Variants in TTC1 observed in about 807,000 individuals in gnomAD.
TTC1 encodes tetratricopeptide repeat domain 1, also known as tetratricopeptide repeat protein 1.
TTC1 carries 31 observed loss-of-function variants against 37.6 expected under a neutral mutation model. The observed-to-expected ratio is 0.82, with a 90% CI of 0.62 to 1.11. The LOEUF (loss-of-function observed/expected upper bound fraction) is 1.11. Ranked by LOEUF, TTC1 falls within the 50% of genes most tolerant of loss-of-function variation. TTC1 has a pLI of 0.00. For synonymous variants in TTC1, 127 were observed against 122.4 expected, an observed-to-expected ratio of 1.04 and a Z score of -0.25; for missense variants, 351 against 339.0, an observed-to-expected ratio of 1.04 and a Z score of -0.28.
chr5:160,037,674 C>T (rs968758994), intron 4 of TTC1, among the ~76,000 whole-genome samples: 16 of 152,170 alleles, frequency 1.1e-4, no homozygotes, highest in African/African-American at 3.6e-4. Context: ...GCACTCTGGC[C>T]TGGGCGACAA....
At chr5:160,040,595 C>CT (rs1757071150) in intron 4 of TTC1, among the ~76,000 whole-genome samples, 1 of 151,850 alleles carries the variant, frequency 6.6e-6, no homozygotes, top group African/African-American at 2.4e-5. Context: ...CTCTTCTGAG[C>CT]TGGGGCAGGG....
At chr5:160,046,746 GCTCACGCCTGTAATCCCAACA>G (rs1262391099) in intron 5 of TTC1, among the ~76,000 whole-genome samples, 14 of 152,194 alleles carry the variant, frequency 9.2e-5, no homozygotes, top group African/African-American at 3.4e-4. Flanking sequence ...GGGCACAGTG[GCTCACGCCTGTAATCCCAACA>G]CTTTGGGAGG....
In TTC1 at chr5:160,010,666, C is replaced by T; in HGVS notation, c.138C>T (p.Leu46=). ...ATCAGCATTCCCAGAGTAAGCTGCT[C>T]AGGGATGATGAGGCCCATCTCCAGG... ...PKNQHSQSKL[L]RDDEAHLQED... The change falls in exon 2 of 8, where the codon CTC becomes CTT. Residue 46 remains leucine, a synonymous_variant. Transcript: ENST00000231238. The T allele has an allele frequency of 1.2e-6, 2 of 1,613,750 alleles. No individual in the cohort carries two copies. Among genetic ancestry groups the T allele is most frequent in the Non-Finnish European group, 1.7e-6 (2 of 1,179,838 alleles).
intron 2 of TTC1, among the ~76,000 whole-genome samples, chr5:160,015,930 G>A (rs1756595986): frequency 6.6e-6 from 1 of 152,176 alleles, no homozygotes; most frequent in Non-Finnish European, 1.5e-5. Flanking sequence ...AGGACACTCC[G>A]TTGGTGTCCA....
intron 7 of TTC1, among the ~76,000 whole-genome samples, chr5:160,064,335 G>A (rs1445103235): frequency 6.6e-6 from 1 of 152,206 alleles, no homozygotes; most frequent in Non-Finnish European, 1.5e-5. Context: ...GACTATTGAG[G>A]TCTTATTGAG....
Position 160,018,977 on chromosome 5 carries a change from G to C in TTC1, c.330+8119G>C, listed in dbSNP as rs79599244. 6.8e-3 allele frequency among the ~76,000 whole-genome samples: 1,042 copies of C among 152,348 alleles called. 13 individuals carry two copies. Among genetic ancestry groups the C allele is most frequent in the African/African-American group, 0.024 (993 of 41,582 alleles). On this transcript the variant is annotated intron_variant, in intron 2 of 7. Coordinates refer to ENST00000231238, the MANE Select transcript of TTC1 (RefSeq NM_003314.3). ...ATTCCTTGTCTTCAGCTACTGGATG[G>C]ATGGTGTGGCCTTTATTAATATGAA...
Position 160,049,504 on chromosome 5 carries a change from C to A in TTC1, c.542-10C>A. The A allele has an allele frequency of 6.4e-7, 1 of 1,550,528 alleles. No individual in the cohort carries two copies. On this transcript the variant is annotated splice_polypyrimidine_tract_variant and intron_variant, in intron 5 of 7. Transcript: ENST00000231238. ...CTTTGTGATAAAAATTATTTCTTCT[C>A]TTTTTACAGCAATTCAATTAAACCC...
chr5:160,031,785 T>C (rs1756914845), intron 2 of TTC1, among the ~76,000 whole-genome samples: 1 of 152,072 alleles, frequency 6.6e-6, no homozygotes, highest in Non-Finnish European at 1.5e-5. Context: ...GAAGACTGCT[T>C]GAGCCCAGGA....
intron 1 of TTC1, 112 bp from the exon 2 acceptor site, chr5:160,010,387 AG>A: frequency 3.4e-6 from 2 of 587,774 alleles, no homozygotes; most frequent in Non-Finnish European, 5.9e-6. Flanking sequence ...TTCCAGTGAA[AG>A]GAAATTACGG....
chr5:160,025,557 C>T (rs1315834557), intron 2 of TTC1, among the ~76,000 whole-genome samples: 1 of 152,208 alleles, frequency 6.6e-6, no homozygotes, highest in Non-Finnish European at 1.5e-5. Flanking sequence ...TTTTCAAATG[C>T]CCTAGTTCTT....
intron 1 of TTC1, among the ~76,000 whole-genome samples, chr5:160,009,948 CGT>C (rs1756466294): frequency 6.6e-6 from 1 of 152,176 alleles, no homozygotes; most frequent in Non-Finnish European, 1.5e-5. Flanking sequence ...GTTTCTTACT[CGT>C]GCCTTGGTTA....
At chr5:160,023,566 A>G (rs558763515) in intron 2 of TTC1, among the ~76,000 whole-genome samples, 14 of 152,240 alleles carry the variant, frequency 9.2e-5, no homozygotes, top group African/African-American at 3.4e-4. Flanking sequence ...AGCTAGGGAG[A>G]CATGTAACTC....
intron 5 of TTC1, among the ~76,000 whole-genome samples, chr5:160,046,410 TTC>T (rs1413371181): frequency 6.6e-6 from 1 of 152,180 alleles, no homozygotes; most frequent in Non-Finnish European, 1.5e-5. Flanking sequence ...TTCCTTCTTA[TTC>T]TCCTCTGTTA....
intron 3 of TTC1, 38 bp downstream of exon 3, chr5:160,035,238 G>C (rs1756982739): frequency 6.5e-7 from 1 of 1,534,870 alleles, no homozygotes; most frequent in South Asian, 1.2e-5. Flanking sequence ...TGGTCATCTT[G>C]ACTCCTCATC....
At position 160,049,546 on chromosome 5, in the gene TTC1, A is replaced by C. The variant is rs772787971; in HGVS notation, c.574A>C (p.Ile192Leu). 9 of 1,600,308 alleles carry C rather than the reference A, an allele frequency of 5.6e-6. No individual in the cohort carries two copies. The South Asian group carries it at 1.0e-4, about 18-fold the overall frequency. The part of the protein sequence containing the change: ...IQLNPSYIRA[I>L]LRRAELYEKT... ...ATTAAACCCCAGCTATATCAGGGCA[A>C]TATTGAGGAGAGCAGAGTTGTATGA... The change falls in exon 6 of 8, where the codon ATA becomes CTA. Residue 192 changes from isoleucine (I) to leucine (L), a missense_variant. Physicochemically the swap from Ile to Leu is conservative, Grantham distance 5. Transcript: ENST00000231238.
intron 4 of TTC1, among the ~76,000 whole-genome samples, chr5:160,042,542 C>T (rs1165585619): frequency 6.6e-6 from 1 of 152,174 alleles, no homozygotes; most frequent in Non-Finnish European, 1.5e-5. Flanking sequence ...GAATTCAGTT[C>T]TTTGACATCC....
In TTC1 at chr5:160,065,148, A is replaced by G. The variant is rs1454386751; in HGVS notation, c.*83A>G. 13 of 1,548,082 alleles carry G rather than the reference A, an allele frequency of 8.4e-6. No individual in the cohort carries two copies. Among genetic ancestry groups the G allele is most frequent in the Non-Finnish European group, 1.1e-5 (13 of 1,149,994 alleles). ...TAGGGGAAAGGCCCTGCCAATGTTT[A>G]ACTTTTAAAAGCATCTTATCTAAAA... On this transcript the variant is annotated 3_prime_UTR_variant, in exon 8 of 8. Coordinates refer to ENST00000231238, the MANE Select transcript of TTC1 (RefSeq NM_003314.3).
chr5:160,014,252 G>A (rs1300664031), intron 2 of TTC1, among the ~76,000 whole-genome samples: 2 of 151,962 alleles, frequency 1.3e-5, no homozygotes, highest in Admixed American at 6.6e-5. Flanking sequence ...CAACTACTCA[G>A]GAGGATGAGG....
At chr5:160,034,193 T>C (rs1038727495) in intron 2 of TTC1, among the ~76,000 whole-genome samples, 1 of 151,990 alleles carries the variant, frequency 6.6e-6, no homozygotes, top group African/African-American at 2.4e-5. Context: ...TTTTGTTGTT[T>C]TTGTTTTAAA....
Sources: allele counts gnomAD v4.1 joint callset (sites outside exome capture counted in the v4.1 genomes callset), GRCh38; gene constraint gnomAD v4.1.1; transcripts MANE v1.5; gene names NCBI Gene and HGNC (gene_info 2026-07-23, HGNC 2026-07-21).